Variants in CES3 observed in about 807,000 individuals in gnomAD.
CES3 encodes the protein carboxylesterase 3, also known as carboxylesterase 3 (brain).
Under a neutral mutation model 57.6 loss-of-function variants are expected in CES3, and 49 were observed. The observed-to-expected ratio is 0.85, with a 90% CI of 0.68 to 1.08. The LOEUF is 1.08. CES3 is among the 50% of genes least tolerant of loss of function. The pLI is 0.00. For missense variants in CES3, 645 were observed against 742.0 expected, an observed-to-expected ratio of 0.87 and a Z score of 1.52; for synonymous variants, 266 against 281.6, an observed-to-expected ratio of 0.94 and a Z score of 0.55.
intron 8 of CES3, among the ~76,000 whole-genome samples, chr16:66,969,170 C>T (rs1019813516): frequency 2.0e-5 from 3 of 152,210 alleles, no homozygotes; most frequent in African/African-American, 7.2e-5. Flanking sequence ...CTTTGGGAGG[C>T]CAAGGCAGGC....
intron 7 of CES3, 116 bp downstream of exon 7, chr16:66,966,461 T>C (rs1963733638): frequency 2.3e-5 from 25 of 1,068,990 alleles, no homozygotes; most frequent in Middle Eastern, 2.0e-4. Flanking sequence ...CAGCAGCTCA[T>C]GAGGGGAAGG....
In CES3 at chr16:66,963,849, C is replaced by T. The variant is rs1233005235; in HGVS notation, c.474C>T (p.Thr158=). The T allele has an allele frequency of 4.3e-6, 7 of 1,614,076 alleles. No homozygotes were observed. Among genetic ancestry groups the T allele is most frequent in the Non-Finnish European group, 5.9e-6 (7 of 1,180,008 alleles). The change falls in exon 4 of 13, where the codon ACC becomes ACT. Residue 158 remains threonine, a synonymous_variant. Coordinates refer to ENST00000303334, the MANE Select transcript of CES3 (RefSeq NM_024922.6). This position sits in a 1 kb window ranked among gnomAD's most constrained non-coding sequence, Gnocchi z 4.9. ...GCGCTCTGATAACTGGCGCTGCCAC[C>T]TCCTACGATGGATCAGCTCTGGCTG... ...HGGALITGAA[T]SYDGSALAAY... is the part of the protein sequence containing the mutation.
chr16:66,962,503 C>T (rs552604543), intron 1 of CES3, among the ~76,000 whole-genome samples: 60 of 152,258 alleles, frequency 3.9e-4, no homozygotes, highest in African/African-American at 1.3e-3. Context: ...TCACACCTGT[C>T]GTCCCAGCAC....
chr16:66,964,775 C>G (rs751451829), intron 6 of CES3, 48 bp downstream of exon 6: 22 of 1,496,580 alleles, frequency 1.5e-5, no homozygotes, highest in Non-Finnish European at 1.8e-5. Flanking sequence ...TCCCATACCC[C>G]ACTCTGTGCT....
chr16:66,969,783 G>A, intron 9 of CES3, 24 bp downstream of exon 9: 1 of 1,598,804 alleles, frequency 6.3e-7, no homozygotes. Flanking sequence ...CAGGAGGGAG[G>A]AAGCTAGGGC....
chr16:66,963,168 C>T lies in CES3; in HGVS notation c.83-11C>T. The T allele has an allele frequency of 1.9e-6, 3 of 1,614,182 alleles. No homozygotes were observed. Among genetic ancestry groups the T allele is most frequent in the Non-Finnish European group, 2.5e-6 (3 of 1,179,994 alleles). ...CAAACTCACCCCGTGGCCTTTCTGT[C>T]CTTCCCTCAGGGCCCGAAGTTGCTC... On this transcript the variant is annotated splice_polypyrimidine_tract_variant and intron_variant, in intron 1 of 12. Transcript: ENST00000303334. The surrounding 1 kb of genome is among the most constrained non-coding windows in gnomAD (Gnocchi z 4.9).
chr16:66,963,028 C>T lies in CES3; in HGVS notation c.83-151C>T, dbSNP rs1224969501. The stretch of plus-strand genomic sequence containing the variant: ...GGCAGGCAGGGAGGAGGAAGTTGGG[C>T]GTCAACCTAAGACCAGGCTCACCGG... On this transcript the variant is annotated intron_variant, in intron 1 of 12. Transcript: ENST00000303334. The surrounding 1 kb of genome is among the most constrained non-coding windows in gnomAD (Gnocchi z 4.9). The T allele has an allele frequency of 3.7e-6, 3 of 812,896 alleles. No homozygotes were observed. The highest frequency in any genetic ancestry group is 1.7e-5 in the African/African-American group (1 of 59,274). The allele number at this position is 812,896 out of a possible 1,614,324, so 50.4% of individuals were successfully genotyped here. A position where few individuals can be genotyped will look rare whatever the true frequency, so the allele number is the denominator to read the frequency against.
intron 11 of CES3, 46 bp downstream of exon 11, chr16:66,972,551 C>T (rs777974796): frequency 1.9e-6 from 3 of 1,605,816 alleles, no homozygotes; most frequent in Non-Finnish European, 2.6e-6. Flanking sequence ...TGCCAGACTC[C>T]AAGGGGCCTG....
intron 12 of CES3, 26 bp from the exon 13 acceptor site, chr16:66,972,828 G>A: frequency 6.2e-7 from 1 of 1,613,894 alleles, no homozygotes; most frequent in Non-Finnish European, 8.5e-7. Context: ...AGGAAGCCTT[G>A]GTCCTCATTC....
chr16:66,971,564 T>A (rs985018171), intron 10 of CES3, among the ~76,000 whole-genome samples: 1 of 151,812 alleles, frequency 6.6e-6, no homozygotes, highest in Non-Finnish European at 1.5e-5. Context: ...TCACCAAAGG[T>A]CACCCAGCAG....
In CES3 at chr16:66,966,853, G is replaced by C. The variant is rs143437351; in HGVS notation, c.1050G>C (p.Trp350Cys). The C allele has an allele frequency of 1.1e-5, 17 of 1,613,842 alleles. No homozygotes were observed. Among genetic ancestry groups the C allele is most frequent in the Non-Finnish European group, 4.2e-6 (5 of 1,180,018 alleles). ...GTGTCAACAACCATGAGTTCAGCTG[G>C]CTCATCCCCAGGGTGAGTTGCTCCC... ...LMGVNNHEFS[W>C]LIPRGWGLLD... Residue 350 changes from tryptophan (W) to cysteine (C), a missense_variant, in exon 8 of 13, where the codon TGG becomes TGC. Coordinates refer to ENST00000303334, the MANE Select transcript of CES3 (RefSeq NM_024922.6).
chr16:66,964,070 G>T, intron 4 of CES3, 135 bp downstream of exon 4: 3 of 1,353,614 alleles, frequency 2.2e-6, no homozygotes, highest in Middle Eastern at 2.7e-4. Context: ...GCAGAGAAGG[G>T]CACCCCCCAA....
intron 8 of CES3, among the ~76,000 whole-genome samples, chr16:66,967,080 TTTG>T (rs1963744365): frequency 2.5e-5 from 3 of 117,902 alleles, no homozygotes; most frequent in African/African-American, 9.5e-5. Flanking sequence ...TCTGTTTTTG[TTTG>T]TTTGTTTGTT....
In CES3 at chr16:66,972,983, G is replaced by A. The variant is rs762243634; in HGVS notation, c.1650G>A (p.Thr550=). Residue 550 remains threonine, a synonymous_variant, in exon 13 of 13, where the codon ACG becomes ACA. Coordinates refer to ENST00000303334, the MANE Select transcript of CES3 (RefSeq NM_024922.6). The part of the protein sequence containing the change: ...REAWMQFWSE[T]LPSKIQQWHQ... ...CCTGGATGCAGTTCTGGTCAGAGAC[G>A]CTCCCCAGCAAGATACAACAGTGGC... 3.1e-5 allele frequency: 50 copies of A among 1,613,984 alleles called. No homozygotes were observed. The highest frequency in any genetic ancestry group is 1.2e-4 in the South Asian group (11 of 91,090).
At chr16:66,962,927 C>A in intron 1 of CES3, 1 of 672,372 alleles carries the variant, frequency 1.5e-6, no homozygotes, top group Non-Finnish European at 2.7e-6. Context: ...AAGAAATGGG[C>A]AAGTGGCTGG....
In CES3 at chr16:66,972,379, T is replaced by A; in HGVS notation, c.1315T>A (p.Tyr439Asn). ...AGATTCTGGAAGCCCTGTCTTTTTC[T>A]ATGAGTTCCAGCATCGACCCAGTTC... ...LRDSGSPVFF[Y>N]EFQHRPSSFA... Residue 439 changes from tyrosine to asparagine, a missense_variant, in exon 11 of 13, where the codon TAT becomes AAT. Coordinates refer to ENST00000303334, the MANE Select transcript of CES3 (RefSeq NM_024922.6). The A allele has an allele frequency of 6.2e-7, 1 of 1,606,290 alleles. No homozygotes were observed. The highest frequency in any genetic ancestry group is 1.3e-5 in the African/African-American group (1 of 74,728).
intron 8 of CES3, among the ~76,000 whole-genome samples, chr16:66,968,487 C>T (rs536755596): frequency 3.9e-5 from 6 of 152,282 alleles, no homozygotes; most frequent in Admixed American, 6.5e-5. Context: ...TAGTTTTTAC[C>T]ACTGAGGCTA....
chr16:66,965,661 C>A (rs757912123), intron 6 of CES3, among the ~76,000 whole-genome samples: 5 of 152,218 alleles, frequency 3.3e-5, no homozygotes, highest in Non-Finnish European at 7.3e-5. Context: ...GACTTGAGGT[C>A]ATTCCCTGTC....
At chr16:66,965,567 ACT>A (rs1433794332) in intron 6 of CES3, among the ~76,000 whole-genome samples, 1 of 151,952 alleles carries the variant, frequency 6.6e-6, no homozygotes, top group Non-Finnish European at 1.5e-5. Context: ...GGGCATGTTG[ACT>A]CTTGTATGGA....
Sources: gnomAD v4.1 joint callset for allele counts (sites outside exome capture counted in the v4.1 genomes callset) on GRCh38, gnomAD v4.1.1 for gene constraint, Gnocchi (gnomAD v3.1) non-coding constraint, MANE v1.5 for transcripts, NCBI Gene and HGNC (gene_info 2026-07-23, HGNC 2026-07-21) for gene names.